RCL1: variants seen among roughly 807,000 people sequenced by gnomAD.
The protein encoded by RCL1 is RNA terminal phosphate cyclase like 1, also known as RNA 3'-terminal phosphate cyclase-like protein.
In RCL1, 24 loss-of-function variants were observed where a neutral mutation model predicts 42.4. That is an observed-to-expected ratio of 0.57 (90% confidence interval 0.41 to 0.80). The LOEUF is 0.80. Among genes scored for constraint, RCL1 ranks in the 30% least tolerant of loss-of-function variants. The pLI, the probability that RCL1 is intolerant of heterozygous loss-of-function variation, is 0.00. For synonymous variants in RCL1, 228 were observed against 177.3 expected (o/e 1.29, Z -2.27); for missense variants, 578 against 467.9 (o/e 1.24, Z -2.17).
At chr9:4,793,867 C>G (rs543277714) in intron 1 of RCL1, among the ~76,000 whole-genome samples, 1 of 152,340 alleles carries the variant, frequency 6.6e-6, no homozygotes, top group African/African-American at 2.4e-5. Flanking sequence ...GCCTAATTGC[C>G]TTGACTTTAG....
At chr9:4,855,504 G>A (rs1234148053) in intron 8 of RCL1, among the ~76,000 whole-genome samples, 3 of 152,154 alleles carry the variant, frequency 2.0e-5, no homozygotes, top group Non-Finnish European at 4.4e-5. Context: ...AGAGCTGTTG[G>A]GCTGTGGAGC....
chr9:4,801,501 A>C (rs949062075), intron 1 of RCL1, among the ~76,000 whole-genome samples: 1 of 152,158 alleles, frequency 6.6e-6, no homozygotes. Flanking sequence ...TTTTGAGACT[A>C]CTTTATATAT....
chr9:4,841,899 A>G (rs1456703795), intron 6 of RCL1, among the ~76,000 whole-genome samples: 1 of 152,224 alleles, frequency 6.6e-6, no homozygotes, highest in African/African-American at 2.4e-5. Context: ...AGTTCTTAAA[A>G]AATGATGCTC....
At chr9:4,838,321 C>A (rs117198101) in intron 5 of RCL1, among the ~76,000 whole-genome samples, 2,026 of 152,304 alleles carry the variant, frequency 0.013, 15 homozygotes, top group African/African-American at 0.026. Context: ...TTCCTGCCAG[C>A]AGCTGTGACT....
At chr9:4,859,720 G>A (rs1818094041) in intron 8 of RCL1, among the ~76,000 whole-genome samples, 1 of 152,136 alleles carries the variant, frequency 6.6e-6, no homozygotes, top group South Asian at 2.1e-4. Flanking sequence ...GTCCCAGGTA[G>A]TCAGGAGGCT....
intron 1 of RCL1, among the ~76,000 whole-genome samples, chr9:4,814,725 C>G (rs559807433): frequency 1.3e-5 from 2 of 152,008 alleles, no homozygotes; most frequent in Admixed American, 6.5e-5. Context: ...GAGTTTTATA[C>G]TTTCATGTTT....
intron 3 of RCL1, among the ~76,000 whole-genome samples, chr9:4,831,632 C>T (rs1816946415): frequency 8.6e-6 from 1 of 115,964 alleles, no homozygotes; most frequent in Non-Finnish European, 2.1e-5. Context: ...GTGCAGCATG[C>T]CCAGCTTATT....
intron 8 of RCL1, among the ~76,000 whole-genome samples, chr9:4,859,894 C>T (rs1405987270): frequency 6.6e-6 from 1 of 152,154 alleles, no homozygotes; most frequent in East Asian, 1.9e-4. Context: ...AACCTTTCCC[C>T]CCCCAGTTTA....
chr9:4,801,803 T>C (rs1843005513), intron 1 of RCL1, among the ~76,000 whole-genome samples: 1 of 152,020 alleles, frequency 6.6e-6, no homozygotes, highest in Admixed American at 6.6e-5. Context: ...TTTAATTGCT[T>C]TTGTGCCTTT....
chr9:4,808,864 C>G (rs961510211), intron 1 of RCL1, among the ~76,000 whole-genome samples: 1 of 152,130 alleles, frequency 6.6e-6, no homozygotes, highest in African/African-American at 2.4e-5. Flanking sequence ...TTTTTGATTT[C>G]ATTTTTATAT....
At chr9:4,827,130 T>C in intron 3 of RCL1, 97 bp downstream of exon 3, 1 of 1,570,748 alleles carries the variant, frequency 6.4e-7, no homozygotes, top group East Asian at 2.4e-5. Flanking sequence ...ACAGTTTTAT[T>C]ACAAATGTAT....
At chr9:4,797,801 G>A (rs1842936595) in intron 1 of RCL1, among the ~76,000 whole-genome samples, 1 of 152,118 alleles carries the variant, frequency 6.6e-6, no homozygotes, top group Non-Finnish European at 1.5e-5. Context: ...TGTGACTTCA[G>A]GCAAATCATT....
At chr9:4,853,475 C>G (rs1171435831) in intron 8 of RCL1, among the ~76,000 whole-genome samples, 1 of 152,142 alleles carries the variant, frequency 6.6e-6, no homozygotes, top group Non-Finnish European at 1.5e-5. Flanking sequence ...GCGCCCGCCA[C>G]CATGCCCGGC....
At chr9:4,796,230 C>T (rs1842912045) in intron 1 of RCL1, among the ~76,000 whole-genome samples, 1 of 152,098 alleles carries the variant, frequency 6.6e-6, no homozygotes, top group African/African-American at 2.4e-5. Flanking sequence ...TTCAATCTCC[C>T]TCAATCTTCC....
intron 3 of RCL1, among the ~76,000 whole-genome samples, chr9:4,829,928 A>C (rs150886281): frequency 3.0e-3 from 460 of 152,318 alleles, no homozygotes; most frequent in African/African-American, 9.9e-3. Context: ...CATTCATTTA[A>C]GCTTCCTCTC....
intron 2 of RCL1, among the ~76,000 whole-genome samples, chr9:4,826,259 GCTTTTT>G (rs1470978896): frequency 6.6e-6 from 1 of 151,922 alleles, no homozygotes; most frequent in Non-Finnish European, 1.5e-5. Flanking sequence ...ACAAAACAAA[GCTTTTT>G]GAATGATACG....
At chr9:4,815,288 C>T (rs1816331155) in intron 1 of RCL1, among the ~76,000 whole-genome samples, 1 of 152,014 alleles carries the variant, frequency 6.6e-6, no homozygotes, top group African/African-American at 2.4e-5. Flanking sequence ...TGTAGGTGTT[C>T]TCATTTCATT....
rs1274486558 is a variant in RCL1, at chr9:4,841,258, T to C, written c.611T>C (p.Met204Thr). Residue 204 changes from methionine (M) to threonine (T), a missense_variant, in exon 6 of 9, where the codon ATG (methionine) becomes ACG (threonine). By Grantham distance (81) the Met-to-Thr change is moderately conservative. Coordinates refer to ENST00000381750, the MANE Select transcript of RCL1 (RefSeq NM_005772.5). ...TACTCTGTACGTGTGTCACCTCAGA[T>C]GGCGAACCGGATTGTGGATTCTGCA... ...MAYSVRVSPQ[M>T]ANRIVDSARS... The C allele has an allele frequency of 6.2e-7, 1 of 1,613,888 alleles. No individual in the cohort carries two copies. The highest frequency in any genetic ancestry group is 8.5e-7 in the Non-Finnish European group (1 of 1,179,770).
intron 1 of RCL1, among the ~76,000 whole-genome samples, chr9:4,820,948 A>T (rs1816575703): frequency 6.6e-6 from 1 of 152,220 alleles, no homozygotes; most frequent in Non-Finnish European, 1.5e-5. Flanking sequence ...CAGTTATTCC[A>T]ACGTAGTTTA....
Sources: allele counts gnomAD v4.1 joint callset (sites outside exome capture counted in the v4.1 genomes callset), GRCh38; gene constraint gnomAD v4.1.1; transcripts MANE v1.5; gene names NCBI Gene and HGNC (gene_info 2026-07-23, HGNC 2026-07-21).